NUP205: variants seen among roughly 807,000 people sequenced by gnomAD.
NUP205 encodes nucleoporin 205.
In NUP205, 76 loss-of-function variants were observed where a neutral mutation model predicts 253.8. That is an observed-to-expected ratio of 0.30 (90% CI 0.25 to 0.36). The LOEUF is 0.36. NUP205 is among the 10% of genes least tolerant of loss of function. The probability of loss-of-function intolerance (pLI) is 1.00; values close to 1 mark genes in which losing one functional copy is unlikely to be tolerated. For missense variants in NUP205, 2,162 were observed against 2,425.5 expected (o/e 0.89, Z 2.28); for synonymous variants, 832 against 850.1 (o/e 0.98, Z 0.37).
chr7:135,577,745 C>T, intron 5 of NUP205, 51 bp from the exon 6 acceptor site: 2 of 1,376,164 alleles, frequency 1.5e-6, no homozygotes, highest in South Asian at 2.4e-5. Context: ...TGGAATAAGA[C>T]CAGGCTTCAC....
intron 30 of NUP205, among the ~76,000 whole-genome samples, chr7:135,622,373 A>C (rs1269060871): frequency 6.6e-6 from 1 of 150,868 alleles, no homozygotes. Flanking sequence ...CAGTGAGCCA[A>C]GATCATGCCA....
Position 135,607,301 on chromosome 7 carries a change from A to C in NUP205, c.3125A>C (p.Lys1042Thr). The C allele has an allele frequency of 6.2e-7, 1 of 1,614,176 alleles. No homozygotes were observed. The highest frequency in any genetic ancestry group is 1.3e-5 in the African/African-American group (1 of 75,066). The change falls in exon 22 of 43, where the codon AAA (lysine) becomes ACA (threonine). Residue 1042 changes from lysine to threonine, a missense_variant. This residue lies in a region of NUP205 where 1,144 missense variants were observed against 1,280.9 expected (regional missense o/e 0.89). Transcript: ENST00000285968. ...CLHAILNILE[K>T]GTEGRTGPVA... ...CACGCCATTCTAAACATCTTGGAGA[A>C]AGGAACGGAAGGGAGAACAGGCCCA... is the stretch of plus-strand genomic sequence containing the variant.
intron 18 of NUP205, among the ~76,000 whole-genome samples, chr7:135,603,817 C>CT (rs769890059): frequency 7.2e-5 from 11 of 152,222 alleles, no homozygotes; most frequent in Non-Finnish European, 1.0e-4. Context: ...CCCGAAATCT[C>CT]TAAGTCTAAA....
At position 135,606,753 on chromosome 7, in the gene NUP205, T is replaced by G; in HGVS notation, c.2908T>G (p.Ser970Ala). ...TGTTTTGTGATTTCTGCATTAAGGATCAGAACTTGAAAAGAAATTAGTTGC... is the reference window on the plus strand; with the variant it reads ...TGTTTTGTGATTTCTGCATTAAGGAGCAGAACTTGAAAAGAAATTAGTTGC... ...AEEFVRLEEG[S>A]ELEKKLVAIR... Residue 970 changes from serine (S) to alanine (A), a missense_variant and splice_region_variant, in exon 21 of 43, where the codon TCA becomes GCA. Physicochemically the swap from Ser to Ala is moderately conservative, Grantham distance 99. Transcript: ENST00000285968. 8 of 1,613,028 alleles carry G rather than the reference T, an allele frequency of 5.0e-6. No homozygotes were observed. Among genetic ancestry groups the G allele is most frequent in the Non-Finnish European group, 6.8e-6 (8 of 1,179,170 alleles).
chr7:135,626,197 A>G, intron 32 of NUP205, 43 bp from the exon 33 acceptor site: 1 of 1,610,578 alleles, frequency 6.2e-7, no homozygotes, highest in Middle Eastern at 1.7e-4. Flanking sequence ...AGGCCCTTGG[A>G]CATGATTTCA....
At position 135,646,168 on chromosome 7, in the gene NUP205, C is replaced by G. The variant is rs775625492; in HGVS notation, c.5823C>G (p.Ala1941=). Residue 1941 remains alanine (A), a synonymous_variant, in exon 42 of 43, where the codon GCC becomes GCG. Coordinates refer to ENST00000285968, the MANE Select transcript of NUP205 (RefSeq NM_015135.3). ...FKSRRLQDSF[A]SETNLDFRSG... ...TTTTTTTATCTCTAGATTCCTTCGC[C>G]TCAGAAACCAATCTAGATTTTAGAA... The G allele has an allele frequency of 6.2e-6, 10 of 1,612,996 alleles. No individual in the cohort carries two copies. In the South Asian group the frequency reaches 7.7e-5, roughly 12 times the overall value.
chr7:135,586,153 G>C (rs1004138693), intron 8 of NUP205, among the ~76,000 whole-genome samples: 2 of 148,412 alleles, frequency 1.3e-5, no homozygotes, highest in East Asian at 3.9e-4. Flanking sequence ...CACCCTGAAA[G>C]GTCTACACTT....
intron 2 of NUP205, 125 bp downstream of exon 2, chr7:135,571,372 A>G: frequency 1.9e-6 from 1 of 513,036 alleles, no homozygotes; most frequent in Non-Finnish European, 3.0e-6. Context: ...ACTGTGCCAC[A>G]GTCTCATGAG....
At chr7:135,570,976 AT>A in intron 1 of NUP205, 128 bp from the exon 2 acceptor site, 1 of 246,288 alleles carries the variant, frequency 4.1e-6, no homozygotes, top group Non-Finnish European at 7.6e-6. Context: ...TGATAATTAT[AT>A]TAATTAAGAT....
rs963215581 is a variant in NUP205 at position 135,612,392 on chromosome 7, C to G, written c.3196-1767C>G. 2.0e-5 allele frequency among the ~76,000 whole-genome samples: 3 copies of G among 152,114 alleles called. No individual in the cohort carries two copies. The East Asian group carries it at 5.8e-4, about 29-fold the overall frequency. The stretch of plus-strand genomic sequence containing the variant: ...GATTCATTAACATTAAACTCATAGC[C>G]AACAGCACTATAACTCAGCCTGAAT... On this transcript the variant is annotated intron_variant, in intron 22 of 42. Coordinates refer to ENST00000285968, the MANE Select transcript of NUP205 (RefSeq NM_015135.3).
chr7:135,633,797 T>C (rs924671033), intron 35 of NUP205, among the ~76,000 whole-genome samples: 2 of 152,204 alleles, frequency 1.3e-5, no homozygotes, highest in African/African-American at 4.8e-5. Flanking sequence ...CAGTACTTTA[T>C]CAGAAATATA....
intron 2 of NUP205, among the ~76,000 whole-genome samples, chr7:135,572,601 G>A (rs889489673): frequency 2.0e-5 from 3 of 152,124 alleles, no homozygotes; most frequent in African/African-American, 4.8e-5. Flanking sequence ...TCACTCTGTC[G>A]TCCAGTCTGG....
chr7:135,583,050 A>G (rs578202652), intron 7 of NUP205, among the ~76,000 whole-genome samples: 95 of 152,304 alleles, frequency 6.2e-4, no homozygotes, highest in African/African-American at 2.2e-3. Context: ...AGATCGTGCC[A>G]CTGCACTCCA....
At chr7:135,583,176 T>G (rs565621341) in intron 7 of NUP205, among the ~76,000 whole-genome samples, 9 of 152,164 alleles carry the variant, frequency 5.9e-5, no homozygotes, top group Non-Finnish European at 1.3e-4. Flanking sequence ...TTTTATCTGT[T>G]CCTGGCCCTT....
In NUP205 at chr7:135,576,431, G is replaced by A; in HGVS notation, c.488+17G>A. On this transcript the variant is annotated intron_variant, in intron 4 of 42. Coordinates refer to ENST00000285968, the MANE Select transcript of NUP205 (RefSeq NM_015135.3). The stretch of plus-strand genomic sequence containing the variant: ...AGAACTCAGGTCTTTTTACTTCTTG[G>A]GATTTCAGGGGTTAATTTGAAATTA... 1 of 1,595,492 alleles carries A rather than the reference G, an allele frequency of 6.3e-7. No homozygotes were observed. The highest frequency in any genetic ancestry group is 8.5e-7 in the Non-Finnish European group (1 of 1,171,386).
intron 30 of NUP205, among the ~76,000 whole-genome samples, chr7:135,620,116 C>T (rs1051392880): frequency 6.6e-6 from 1 of 152,182 alleles, no homozygotes; most frequent in African/African-American, 2.4e-5. Context: ...AATACTTTAG[C>T]TTTATATACT....
At chr7:135,588,569 C>G (rs1806536437) in intron 10 of NUP205, among the ~76,000 whole-genome samples, 1 of 150,748 alleles carries the variant, frequency 6.6e-6, no homozygotes, top group African/African-American at 2.4e-5. Context: ...AGAAAGGCAT[C>G]CAGTCTCTTT....
At chr7:135,596,780 T>C (rs1197825131) in intron 13 of NUP205, among the ~76,000 whole-genome samples, 1 of 150,364 alleles carries the variant, frequency 6.7e-6, no homozygotes, top group Non-Finnish European at 1.5e-5. Flanking sequence ...TGAAACCTTG[T>C]CTCTACTAAA....
chr7:135,562,545 C>CTTTTTTTTTTTTTTTTTTTTTTT (rs34482653), intron 1 of NUP205, among the ~76,000 whole-genome samples: 1 of 97,396 alleles, frequency 1.0e-5, no homozygotes, highest in Non-Finnish European at 1.9e-5. Flanking sequence ...GACCAAAATC[C>CTTTTTTTTTTTTTTTTTTTTTTT]TTTTTTTTTT....
Sources: gnomAD v4.1 joint callset for allele counts (sites outside exome capture counted in the v4.1 genomes callset) on GRCh38, gnomAD v4.1.1 for gene constraint, gnomAD v4.1.1 regional missense constraint, MANE v1.5 for transcripts, NCBI Gene and HGNC (gene_info 2026-07-23, HGNC 2026-07-21) for gene names.